Variants in PLXNA4 observed in about 807,000 individuals in gnomAD.
PLXNA4 encodes plexin A4, also known as plexin-A4.
PLXNA4 carries 44 observed loss-of-function variants against 191.8 expected under a neutral mutation model. That is an observed-to-expected ratio of 0.23 (90% CI 0.18 to 0.29). The LOEUF (loss-of-function observed/expected upper bound fraction) is 0.29, where lower values mean the gene tolerates loss of function less well. PLXNA4 is among the 10% of genes least tolerant of loss of function. The pLI is 1.00. For synonymous variants in PLXNA4, 1,082 were observed against 1,009.5 expected, an observed-to-expected ratio of 1.07 and a Z score of -1.36; for missense variants, 1,800 against 2,488.8, an observed-to-expected ratio of 0.72 and a Z score of 5.89.
chr7:132,156,281 G>A (rs543766724), intron 25 of PLXNA4, among the ~76,000 whole-genome samples: 6 of 152,248 alleles, frequency 3.9e-5, no homozygotes, highest in African/African-American at 1.2e-4. Flanking sequence ...CAAGTCTGGC[G>A]AGGGAGTAGA....
intron 30 of PLXNA4, among the ~76,000 whole-genome samples, chr7:132,139,529 G>T (rs188179815): frequency 5.0e-4 from 76 of 152,318 alleles, no homozygotes; most frequent in Admixed American, 1.3e-3. Context: ...AGTTGCGCAG[G>T]TTATTCACTG....
At chr7:132,378,407 G>C (rs1230529035) in intron 3 of PLXNA4, among the ~76,000 whole-genome samples, 1 of 152,146 alleles carries the variant, frequency 6.6e-6, no homozygotes, top group Non-Finnish European at 1.5e-5. Flanking sequence ...TTGAGTCATT[G>C]GTTGATGCCA....
chr7:132,303,248 ATTT>A lies in PLXNA4; in HGVS notation c.1372-5029_1372-5027del, dbSNP rs201091759. ...TGAGAAAGGATGAAAACAGAAGTTG[ATTT>A]TTTTTTTTTTTTTTTTGGTAGAAAA... On this transcript the variant is annotated intron_variant, in intron 3 of 31. Transcript: ENST00000321063. Among the ~76,000 whole-genome samples the A allele has an allele frequency of 3.0e-4, 39 of 129,744 alleles. No individual in the cohort carries two copies. In the East Asian group the frequency reaches 3.1e-3, roughly 10 times the overall value. The allele number at this position is 129,744 out of a possible 152,430, so 85.1% of individuals were successfully genotyped here. A position where few individuals can be genotyped will look rare whatever the true frequency, so the allele number is the denominator to read the frequency against.
At chr7:132,405,414 C>T (rs1794180273) in intron 3 of PLXNA4, among the ~76,000 whole-genome samples, 1 of 152,190 alleles carries the variant, frequency 6.6e-6, no homozygotes, top group Non-Finnish European at 1.5e-5. Context: ...AGCCAGCCAT[C>T]CCCTTTTCTC....
At chr7:132,495,524 G>A (rs1296333171) in intron 2 of PLXNA4, among the ~76,000 whole-genome samples, 1 of 152,142 alleles carries the variant, frequency 6.6e-6, no homozygotes, top group African/African-American at 2.4e-5. Context: ...GCTGCTCTGG[G>A]GCAGCAGCAG....
intron 4 of PLXNA4, among the ~76,000 whole-genome samples, chr7:132,256,044 C>T (rs1376725734): frequency 2.0e-5 from 3 of 152,216 alleles, no homozygotes; most frequent in Non-Finnish European, 2.9e-5. Context: ...ATCATGCTGG[C>T]TCCTAGCCAA....
At chr7:132,142,775 C>A (rs1207123678) in intron 29 of PLXNA4, among the ~76,000 whole-genome samples, 2 of 152,204 alleles carry the variant, frequency 1.3e-5, no homozygotes, top group Non-Finnish European at 2.9e-5. Context: ...GGGCTCAGAG[C>A]CCTGAATGCA....
chr7:132,569,072 G>C (rs1399216796), intron 1 of PLXNA4, among the ~76,000 whole-genome samples: 1 of 152,216 alleles, frequency 6.6e-6, no homozygotes, highest in Non-Finnish European at 1.5e-5. Flanking sequence ...GAGGGGAGTT[G>C]ACTCATGCCT....
chr7:132,449,130 A>G (rs990608264), intron 3 of PLXNA4, among the ~76,000 whole-genome samples: 5 of 152,224 alleles, frequency 3.3e-5, no homozygotes, highest in Admixed American at 6.5e-5. Context: ...GGCTAGACCA[A>G]TAGACACTGA....
rs777389093 is a variant in PLXNA4, at chr7:132,298,082, G to A, written c.1503+9C>T. ...AGACAAATGTCTAGCGGAGCCCGAA[G>A]AGCCTTACCTGCCTCTCTGACATGA... On this transcript the variant is annotated intron_variant, in intron 4 of 31. Coordinates refer to ENST00000321063, the MANE Select transcript of PLXNA4 (RefSeq NM_020911.2). The A allele has an allele frequency of 2.5e-6, 4 of 1,613,976 alleles. No homozygotes were observed. The highest frequency in any genetic ancestry group is 1.1e-5 in the South Asian group (1 of 91,078).
chr7:132,260,973 G>C (rs1227015542), intron 4 of PLXNA4, among the ~76,000 whole-genome samples: 1 of 152,146 alleles, frequency 6.6e-6, no homozygotes, highest in East Asian at 1.9e-4. Flanking sequence ...AGTGGGAGGA[G>C]GCAGGGGGTT....
intron 3 of PLXNA4, among the ~76,000 whole-genome samples, chr7:132,337,632 C>T (rs887057437): frequency 6.6e-6 from 1 of 152,206 alleles, no homozygotes. Context: ...CTGGAACATT[C>T]TCTTCCTATT....
At position 132,125,835 on chromosome 7, in the gene PLXNA4, G is replaced by A. The variant is rs1341277723; in HGVS notation, c.*4644C>T. The A allele has an allele frequency of 1.3e-5, 2 of 152,276 alleles. No homozygotes were observed. Among genetic ancestry groups the A allele is most frequent in the Non-Finnish European group, 2.9e-5 (2 of 68,158 alleles). 9.4% of individuals were successfully genotyped at this position (152,276 alleles called of 1,614,324 possible). ...CCTGGAGGTGACTCAGTCATGGAAA[G>A]ACCCCTTGAAGGCCTTGAAGAGCTG... On this transcript the variant is annotated 3_prime_UTR_variant, in exon 32 of 32. Coordinates refer to ENST00000321063, the MANE Select transcript of PLXNA4 (RefSeq NM_020911.2).
rs3057957 is a variant in PLXNA4 at position 132,365,328 on chromosome 7, C to CGTGTGTGTGTGTGT, written c.1372-67120_1372-67107dup. Reference sequence around the variant, plus strand: ...CTCCCCCGGTCTTTCCTACGGCCCGCGTGTGTGTGTGTGTGTGTGTGTGTG... The same window carrying CGTGTGTGTGTGTGT: ...CTCCCCCGGTCTTTCCTACGGCCCGCGTGTGTGTGTGTGTGTGTGTGTGTGTGTGTGTGTGTGTG... On this transcript the variant is annotated intron_variant, in intron 3 of 31. Transcript: ENST00000321063. Among the ~76,000 whole-genome samples the CGTGTGTGTGTGTGT allele has an allele frequency of 2.4e-4, 34 of 143,074 alleles. No individual in the cohort carries two copies. In the South Asian group the frequency reaches 2.4e-3, roughly 10 times the overall value. 93.9% of individuals were successfully genotyped at this position (143,074 alleles called of 152,430 possible). A position where few individuals can be genotyped will look rare whatever the true frequency, so the allele number is the denominator to read the frequency against.
chr7:132,427,209 T>C (rs1338018840), intron 3 of PLXNA4, among the ~76,000 whole-genome samples: 1 of 152,152 alleles, frequency 6.6e-6, no homozygotes, highest in Non-Finnish European at 1.5e-5. Flanking sequence ...CTCTTCCTGC[T>C]CCTCACCCCA....
chr7:132,206,469 T>TGC (rs1554390567), intron 10 of PLXNA4, among the ~76,000 whole-genome samples: 1 of 149,536 alleles, frequency 6.7e-6, no homozygotes, highest in African/African-American at 2.5e-5. Flanking sequence ...TGTGTGTGTG[T>TGC]GTGCGCATGT....
intron 3 of PLXNA4, among the ~76,000 whole-genome samples, chr7:132,339,957 C>T (rs1213446442): frequency 6.6e-6 from 1 of 152,238 alleles, no homozygotes; most frequent in African/African-American, 2.4e-5. Flanking sequence ...AATCTACACA[C>T]ACAGCATATA....
intron 2 of PLXNA4, among the ~76,000 whole-genome samples, chr7:132,506,127 C>T (rs1466596351): frequency 1.3e-5 from 2 of 152,058 alleles, no homozygotes; most frequent in Non-Finnish European, 2.9e-5. Flanking sequence ...TGGCCCAGTG[C>T]CTGGAAGACT....
chr7:132,219,174 T>A (rs904256145), intron 9 of PLXNA4, among the ~76,000 whole-genome samples: 3 of 152,174 alleles, frequency 2.0e-5, no homozygotes, highest in African/African-American at 7.2e-5. Context: ...CCCCAGAGAT[T>A]TGCAGAAGAG....
Sources: gnomAD v4.1 joint callset for allele counts (sites outside exome capture counted in the v4.1 genomes callset) on GRCh38, gnomAD v4.1.1 for gene constraint, MANE v1.5 for transcripts, NCBI Gene and HGNC (gene_info 2026-07-23, HGNC 2026-07-21) for gene names.